Variants in RIF1 observed in about 807,000 individuals in gnomAD.
RIF1 encodes the protein replication timing regulatory factor 1, also known as telomere-associated protein RIF1.
A neutral mutation model predicts 247.1 loss-of-function variants in RIF1; 45 were observed. That is an observed-to-expected ratio of 0.18 (90% CI 0.14 to 0.23). RIF1 has a LOEUF of 0.23. Ranked by LOEUF, RIF1 falls within the 10% of genes least tolerant of loss-of-function variation. The pLI, the probability that RIF1 is intolerant of heterozygous loss-of-function variation, is 1.00. For missense variants in RIF1, 2,967 were observed against 2,862.5 expected (o/e 1.04, Z -0.83); for synonymous variants, 1,087 against 978.8 (o/e 1.11, Z -2.06).
chr2:151,527,392 C>T, the RIF1 span: 13 of 1,086,710 alleles, frequency 1.2e-5, no homozygotes, highest in Middle Eastern at 2.0e-4. Flanking sequence ...AGGGTTAACA[C>T]TCATGATAGT....
chr2:151,472,619 T>C (rs992843509), intron 34 of RIF1, among the ~76,000 whole-genome samples: 6 of 152,190 alleles, frequency 3.9e-5, no homozygotes, highest in African/African-American at 1.2e-4. Flanking sequence ...TCTGCATCTA[T>C]TGAGATAATC....
At chr2:151,472,575 C>T (rs1434340182) in intron 34 of RIF1, among the ~76,000 whole-genome samples, 5 of 152,072 alleles carry the variant, frequency 3.3e-5, no homozygotes, top group Admixed American at 2.6e-4. Context: ...GAGTTTTTAG[C>T]ATGAAGTGTT....
the RIF1 span, chr2:151,514,552 G>A: frequency 7.7e-6 from 6 of 783,332 alleles, no homozygotes; most frequent in South Asian, 9.0e-5. Context: ...GTAAAAATAT[G>A]AATACAGGCA....
rs759304769 is a variant in RIF1, at chr2:151,465,919, C to T, written c.6399C>T (p.Ile2133=). The change falls in exon 30 of 36, where the codon ATC becomes ATT. Residue 2133 remains isoleucine, a synonymous_variant. Transcript: ENST00000444746. The part of the protein sequence containing the change: ...PSQCLASGTA[I]SELIIEDNNA... The stretch of plus-strand genomic sequence containing the variant: ...AGTGTCTGGCATCTGGAACAGCTAT[C>T]TCTGAGCTAATAATAGAAGACAATA... 34 of 1,614,040 alleles carry T rather than the reference C, an allele frequency of 2.1e-5. No homozygotes were observed. The highest frequency in any genetic ancestry group is 1.0e-4 in the Admixed American group (6 of 60,006).
intron 27 of RIF1, among the ~76,000 whole-genome samples, chr2:151,461,730 A>G (rs961434503): frequency 2.6e-5 from 4 of 152,170 alleles, no homozygotes; most frequent in African/African-American, 9.7e-5. Flanking sequence ...TATACTTTAC[A>G]TAAATGCATT....
intron 34 of RIF1, among the ~76,000 whole-genome samples, chr2:151,471,688 G>A (rs2048538968): frequency 6.6e-6 from 1 of 152,054 alleles, no homozygotes; most frequent in African/African-American, 2.4e-5. Context: ...GTAGCTGTGT[G>A]GTATTATTTC....
In RIF1 at chr2:151,463,793, G is replaced by A. The variant is rs752446758; in HGVS notation, c.4273G>A (p.Val1425Ile). ...GTCTTCAAGGCGACGTTCAGAAGTAGTAGAGTCTACCACTGAAAGCCAAGA... is the reference window on the plus strand; with the variant it reads ...GTCTTCAAGGCGACGTTCAGAAGTAATAGAGTCTACCACTGAAAGCCAAGA... ...RRSSRRRSEV[V>I]ESTTESQDKE... is the part of the protein sequence containing the mutation. The change falls in exon 30 of 36, where the codon GTA becomes ATA. Residue 1425 changes from valine to isoleucine, a missense_variant. This residue lies in a region of RIF1 where 2,028 missense variants were observed against 1,825.6 expected (regional missense o/e 1.11). Transcript: ENST00000444746. 6.2e-7 allele frequency: 1 copy of A among 1,613,468 alleles called. No homozygotes were observed. Among genetic ancestry groups the A allele is most frequent in the African/African-American group, 1.3e-5 (1 of 74,854 alleles).
At chr2:151,460,203 C>A in intron 26 of RIF1, 84 bp downstream of exon 26, 1 of 1,053,406 alleles carries the variant, frequency 9.5e-7, no homozygotes, top group East Asian at 2.8e-5. Flanking sequence ...GATGAAAGAA[C>A]TATAAAAGAC....
chr2:151,428,227 T>G, intron 8 of RIF1, among the ~76,000 whole-genome samples: 1 of 152,080 alleles, frequency 6.6e-6, no homozygotes, highest in East Asian at 1.9e-4. Context: ...AGATTCCCTC[T>G]CAAAAAAAAG....
At chr2:151,470,617 C>T (rs1241355029) in intron 34 of RIF1, among the ~76,000 whole-genome samples, 3 of 152,132 alleles carry the variant, frequency 2.0e-5, no homozygotes, top group African/African-American at 7.2e-5. Context: ...AGTAGGCATA[C>T]TCAACCTGTA....
At chr2:151,531,308 C>CTTTTTTT in the RIF1 span, among the ~76,000 whole-genome samples, 1 of 84,010 alleles carries the variant, frequency 1.2e-5, no homozygotes, top group Non-Finnish European at 2.2e-5. Flanking sequence ...TTTTTTCTTT[C>CTTTTTTT]TTTTTTTTTT....
At chr2:151,526,834 T>G in the RIF1 span, 4,477 of 1,022,698 alleles carry the variant, frequency 4.4e-3, 88 homozygotes, top group African/African-American at 0.029. Flanking sequence ...CTCTTCTCCA[T>G]CCTTCCCTGG....
intron 9 of RIF1, chr2:151,490,114 A>C (rs1258687251): frequency 6.7e-7 from 1 of 1,481,594 alleles, no homozygotes; most frequent in East Asian, 2.3e-5. Flanking sequence ...TAAGAAGAAA[A>C]ATGGCTAGGT....
chr2:151,411,776 T>G (rs1452009030), intron 3 of RIF1, among the ~76,000 whole-genome samples: 2 of 152,230 alleles, frequency 1.3e-5, no homozygotes, highest in African/African-American at 4.8e-5. Flanking sequence ...TAATACTGAT[T>G]ATAATACTCT....
chr2:151,462,268 A>C lies in RIF1; in HGVS notation c.3254A>C (p.Asn1085Thr), dbSNP rs185136325. Reference protein sequence around the residue: ...KRCDIPAMYNNLDVSQDTLFT... With the variant: ...KRCDIPAMYNTLDVSQDTLFT... ...TGTGATATTCCTGCCATGTATAATA[A>C]TCTGGATGTTTCCCAAGATACCTTA... The change falls in exon 28 of 36, where the codon AAT (asparagine) becomes ACT (threonine). Residue 1085 changes from asparagine (N) to threonine (T), a missense_variant. By Grantham distance (65) the Asn-to-Thr change is moderately conservative. This residue lies in a region of RIF1 where 2,028 missense variants were observed against 1,825.6 expected (regional missense o/e 1.11). Transcript: ENST00000444746. 3.8e-6 allele frequency: 6 copies of C among 1,589,878 alleles called. No individual in the cohort carries two copies. The Admixed American group carries it at 1.0e-4, about 27-fold the overall frequency.
chr2:151,455,239 C>A, intron 22 of RIF1, 80 bp downstream of exon 22: 1 of 1,087,360 alleles, frequency 9.2e-7, no homozygotes, highest in Non-Finnish European at 1.3e-6. Flanking sequence ...TTTTAATCAG[C>A]TGTGTTGTAG....
chr2:151,455,097 T>G lies in RIF1; in HGVS notation c.2547T>G (p.Ser849=). ...TACTTGGGCATATTTCTTTGCCTTCTATGATCCGAAAAATATTTGCAACTT... is the reference window on the plus strand; with the variant it reads ...TACTTGGGCATATTTCTTTGCCTTCGATGATCCGAAAAATATTTGCAACTT... The part of the protein sequence containing the change: ...SSVLGHISLP[S]MIRKIFATLT... Residue 849 remains serine, a synonymous_variant, in exon 22 of 36, where the codon TCT becomes TCG. Coordinates refer to ENST00000444746, the MANE Select transcript of RIF1 (RefSeq NM_018151.5). The G allele has an allele frequency of 6.2e-7, 1 of 1,613,276 alleles. No homozygotes were observed. The highest frequency in any genetic ancestry group is 1.1e-5 in the South Asian group (1 of 90,850).
In RIF1 at chr2:151,410,414, G is replaced by C. The variant is rs752735962; in HGVS notation, c.-10G>C. On this transcript the variant is annotated splice_region_variant and 5_prime_UTR_variant, in exon 2 of 36. Coordinates refer to ENST00000444746, the MANE Select transcript of RIF1 (RefSeq NM_018151.5). ...TCTCCTCTTCCGGTTCGGGCCTCAG[G>C]GTGGCCGACATGACGGCCAGGGGTC... The C allele has an allele frequency of 6.2e-7, 1 of 1,612,018 alleles. No individual in the cohort carries two copies. The highest frequency in any genetic ancestry group is 8.5e-7 in the Non-Finnish European group (1 of 1,178,766).
At chr2:151,422,014 T>C (rs1468408859) in intron 7 of RIF1, among the ~76,000 whole-genome samples, 3 of 151,938 alleles carry the variant, frequency 2.0e-5, no homozygotes, top group East Asian at 3.9e-4. Flanking sequence ...GTATTTTTAG[T>C]AGAGATGGGG....
Sources: allele counts gnomAD v4.1 joint callset (sites outside exome capture counted in the v4.1 genomes callset), GRCh38; gene constraint gnomAD v4.1.1; regional missense constraint gnomAD v4.1.1; transcripts MANE v1.5; gene names NCBI Gene and HGNC (gene_info 2026-07-23, HGNC 2026-07-21).